Variants in AKAP13 observed in about 807,000 individuals in gnomAD.
AKAP13 encodes the protein A-kinase anchor protein 13.
Under a neutral mutation model 264.5 loss-of-function variants are expected in AKAP13, and 80 were observed. The observed-to-expected ratio is 0.30, with a 90% CI of 0.25 to 0.36. AKAP13 has a LOEUF of 0.36. AKAP13 is among the 10% of genes least tolerant of loss of function. The probability of loss-of-function intolerance (pLI) is 1.00; values close to 1 mark genes in which losing one functional copy is unlikely to be tolerated. For missense variants in AKAP13, 3,712 were observed against 3,435.2 expected (o/e 1.08, Z -2.01); for synonymous variants, 1,380 against 1,250.2 (o/e 1.10, Z -2.19).
intron 3 of AKAP13, among the ~76,000 whole-genome samples, chr15:85,523,683 T>C (rs917900367): frequency 4.6e-5 from 7 of 152,218 alleles, no homozygotes; most frequent in African/African-American, 1.7e-4. Flanking sequence ...AGAAGGCTGT[T>C]CTAGGAAACT....
At chr15:85,626,127 A>G (rs948961782) in intron 8 of AKAP13, among the ~76,000 whole-genome samples, 1 of 152,250 alleles carries the variant, frequency 6.6e-6, no homozygotes, top group Non-Finnish European at 1.5e-5. Flanking sequence ...GACATTGACC[A>G]TGATTGGTAG....
chr15:85,679,271 C>T (rs1323037335), intron 14 of AKAP13, among the ~76,000 whole-genome samples: 1 of 151,978 alleles, frequency 6.6e-6, no homozygotes, highest in East Asian at 1.9e-4. Flanking sequence ...AACCAAGGTC[C>T]TGCTAATACA....
rs1474265636 is a variant in AKAP13 at position 85,582,023 on chromosome 15, A to G, written c.3955A>G (p.Thr1319Ala). Reference protein sequence around the residue: ...LPMGSTPEEATGSLAGCFAGR... With the variant: ...LPMGSTPEEAAGSLAGCFAGR... ...AATGGGCAGTACTCCTGAGGAAGCCACGGGGAGCCTTGCAGGATGTTTTGC... is the reference window on the plus strand; with the variant it reads ...AATGGGCAGTACTCCTGAGGAAGCCGCGGGGAGCCTTGCAGGATGTTTTGC... The change falls in exon 7 of 37, where the codon ACG becomes GCG. Residue 1319 changes from threonine to alanine, a missense_variant. Physicochemically the swap from Thr to Ala is moderately conservative, Grantham distance 58 (BLOSUM62 0). This residue lies in a region of AKAP13 where 2,759 missense variants were observed against 2,411.7 expected (regional missense o/e 1.14). Transcript: ENST00000394518. 1.2e-6 allele frequency: 2 copies of G among 1,614,146 alleles called. No homozygotes were observed. Among genetic ancestry groups the G allele is most frequent in the Admixed American group, 3.3e-5 (2 of 60,026 alleles).
At chr15:85,473,518 C>G (rs1201987811) in intron 1 of AKAP13, among the ~76,000 whole-genome samples, 1 of 152,182 alleles carries the variant, frequency 6.6e-6, no homozygotes, top group Non-Finnish European at 1.5e-5. Flanking sequence ...AAATAGGCCC[C>G]ACAGGAGGCC....
chr15:85,671,228 A>G (rs775467540), intron 14 of AKAP13, among the ~76,000 whole-genome samples: 3 of 151,990 alleles, frequency 2.0e-5, no homozygotes, highest in Non-Finnish European at 2.9e-5. Context: ...TCACTTCATG[A>G]CTTACTGGAA....
chr15:85,742,122 T>C (rs1280647097), intron 35 of AKAP13, among the ~76,000 whole-genome samples: 1 of 152,176 alleles, frequency 6.6e-6, no homozygotes, highest in Non-Finnish European at 1.5e-5. Flanking sequence ...GCTTTTTGCA[T>C]CTCTAAGAGG....
intron 1 of AKAP13, among the ~76,000 whole-genome samples, chr15:85,439,570 C>G (rs8039976): frequency 0.92 from 114,390 of 124,240 alleles, 52,425 homozygotes; most frequent in South Asian, 0.94. Flanking sequence ...GGAACCAACC[C>G]AAATGTCCAA....
chr15:85,595,725 T>C (rs1197023696), intron 8 of AKAP13, among the ~76,000 whole-genome samples: 1 of 152,194 alleles, frequency 6.6e-6, no homozygotes, highest in African/African-American at 2.4e-5. Context: ...TTTTTTTACT[T>C]TCACAATACG....
At chr15:85,698,355 C>G (rs1445369582) in intron 17 of AKAP13, among the ~76,000 whole-genome samples, 3 of 148,970 alleles carry the variant, frequency 2.0e-5, no homozygotes, top group Non-Finnish European at 4.4e-5. Flanking sequence ...ATCCCAGCTA[C>G]TTGGGAGGCT....
chr15:85,638,570 T>A (rs539985662), intron 8 of AKAP13, among the ~76,000 whole-genome samples: 122 of 152,302 alleles, frequency 8.0e-4, no homozygotes, highest in African/African-American at 2.9e-3. Flanking sequence ...ATTGAAATCT[T>A]CAGTGGTAAT....
At chr15:85,647,155 T>G (rs1485663758) in intron 10 of AKAP13, among the ~76,000 whole-genome samples, 1 of 152,174 alleles carries the variant, frequency 6.6e-6, no homozygotes, top group Non-Finnish European at 1.5e-5. Context: ...TCCCAGCACT[T>G]TGGGAGGCCA....
intron 12 of AKAP13, among the ~76,000 whole-genome samples, chr15:85,663,077 C>T (rs140431652): frequency 1.0e-3 from 156 of 152,096 alleles, no homozygotes; most frequent in African/African-American, 3.6e-3. Flanking sequence ...TGGGAGGCTG[C>T]GGTGGGCGGA....
chr15:85,530,183 C>T (rs1278151893), intron 3 of AKAP13, among the ~76,000 whole-genome samples: 1 of 152,190 alleles, frequency 6.6e-6, no homozygotes, highest in African/African-American at 2.4e-5. Flanking sequence ...CCAACACACA[C>T]CCATCCCGCG....
At chr15:85,440,214 C>T (rs1343011985) in intron 1 of AKAP13, among the ~76,000 whole-genome samples, 1 of 152,136 alleles carries the variant, frequency 6.6e-6, no homozygotes, top group African/African-American at 2.4e-5. Context: ...TGGTCATCTC[C>T]TCCCTTTGCC....
At chr15:85,384,997 G>C (rs546745884) in intron 1 of AKAP13, among the ~76,000 whole-genome samples, 25 of 152,256 alleles carry the variant, frequency 1.6e-4, no homozygotes, top group African/African-American at 4.6e-4. Context: ...GTATGATATG[G>C]GTGCTAGTAT....
chr15:85,585,582 C>T (rs2079305664), intron 7 of AKAP13, 120 bp from the exon 8 acceptor site: 1 of 1,395,436 alleles, frequency 7.2e-7, no homozygotes, highest in Non-Finnish European at 9.9e-7. Flanking sequence ...CAAAAGAATA[C>T]TTTTCCATTT....
At chr15:85,406,052 A>C (rs547321294) in intron 1 of AKAP13, among the ~76,000 whole-genome samples, 2 of 152,166 alleles carry the variant, frequency 1.3e-5, no homozygotes, top group African/African-American at 4.8e-5. Context: ...GGGTCTCACT[A>C]TGTTGCCCAG....
rs115897954 is a variant in AKAP13 at position 85,433,416 on chromosome 15, G to A, written c.-11-52294G>A. On this transcript the variant is annotated intron_variant, in intron 1 of 36. Coordinates refer to ENST00000394518, the MANE Select transcript of AKAP13 (RefSeq NM_007200.5). Reference sequence around the variant, plus strand: ...AGTATGGGAGCACTTGTTTCTCCACGTCTTTGTCGGTAGTGGGCATTTTCG... The same window carrying A: ...AGTATGGGAGCACTTGTTTCTCCACATCTTTGTCGGTAGTGGGCATTTTCG... 1.7e-3 allele frequency among the ~76,000 whole-genome samples: 264 copies of A among 151,878 alleles called. 1 individual carries two copies. Among genetic ancestry groups the A allele is most frequent in the African/African-American group, 6.1e-3 (251 of 41,386 alleles).
intron 12 of AKAP13, among the ~76,000 whole-genome samples, chr15:85,663,523 A>G (rs936193460): frequency 6.6e-6 from 1 of 152,174 alleles, no homozygotes; most frequent in African/African-American, 2.4e-5. Context: ...CAAGTCCTGG[A>G]CTGGTAGGTA....
Sources: gnomAD v4.1 joint callset for allele counts (sites outside exome capture counted in the v4.1 genomes callset) on GRCh38, gnomAD v4.1.1 for gene constraint, gnomAD v4.1.1 regional missense constraint, MANE v1.5 for transcripts, NCBI Gene and HGNC (gene_info 2026-07-23, HGNC 2026-07-21) for gene names.